SP100: variants seen among roughly 807,000 people sequenced by gnomAD.
SP100 encodes SP100 nuclear body protein.
SP100 carries 84 observed loss-of-function variants against 130.0 expected under a neutral mutation model. The ratio of observed to expected loss-of-function variants is 0.65; its 90% CI spans 0.54 to 0.77. The LOEUF (loss-of-function observed/expected upper bound fraction) is 0.77. Ranked by LOEUF, SP100 falls within the 30% of genes least tolerant of loss-of-function variation. The pLI is 0.00. For synonymous variants in SP100, 331 were observed against 351.7 expected (o/e 0.94, Z 0.66); for missense variants, 978 against 1,052.2 (o/e 0.93, Z 0.97).
chr2:230,525,811 G>A (rs1477864087), intron 24 of SP100, among the ~76,000 whole-genome samples: 1 of 152,220 alleles, frequency 6.6e-6, no homozygotes, highest in Non-Finnish European at 1.5e-5. Flanking sequence ...ATCAATCTGA[G>A]ATCAACCTGT....
chr2:230,449,826 C>A, intron 7 of SP100, 116 bp downstream of exon 7: 4 of 1,057,688 alleles, frequency 3.8e-6, no homozygotes, highest in Non-Finnish European at 5.7e-6. Flanking sequence ...AGGGGAAAAT[C>A]ACATAGACAC....
chr2:230,508,050 T>G lies in SP100; in HGVS notation c.2052+19T>G. On this transcript the variant is annotated intron_variant, in intron 23 of 28. Coordinates refer to ENST00000340126, the MANE Select transcript of SP100 (RefSeq NM_001080391.2). ...AAAAAAGGTGATGATCAAGTGATCT[T>G]CTGCCAATGTCTCGTCTATTATGTT... is the stretch of plus-strand genomic sequence containing the variant. The G allele has an allele frequency of 6.2e-7, 1 of 1,613,194 alleles. No homozygotes were observed. The highest frequency in any genetic ancestry group is 8.5e-7 in the Non-Finnish European group (1 of 1,179,466).
intron 8 of SP100, among the ~76,000 whole-genome samples, chr2:230,452,139 A>C (rs2064016266): frequency 6.6e-6 from 1 of 151,184 alleles, no homozygotes; most frequent in African/African-American, 2.4e-5. Context: ...CTCCACACAA[A>C]TTTTTAAATT....
chr2:230,473,992 A>G (rs2065407397), intron 16 of SP100, among the ~76,000 whole-genome samples: 1 of 152,238 alleles, frequency 6.6e-6, no homozygotes, highest in South Asian at 2.1e-4. Context: ...CTGTCAGGAA[A>G]GAAAAATCAG....
At chr2:230,516,322 T>C (rs1272619675) in intron 24 of SP100, 1 of 156,652 alleles carries the variant, frequency 6.4e-6, no homozygotes, top group Non-Finnish European at 1.4e-5. Context: ...TGTTTATGAA[T>C]AGTTTCCAAA....
At chr2:230,484,125 AC>A (rs2065957480) in intron 17 of SP100, among the ~76,000 whole-genome samples, 1 of 152,218 alleles carries the variant, frequency 6.6e-6, no homozygotes, top group African/African-American at 2.4e-5. Flanking sequence ...GAAATTACCA[AC>A]AAAAAGCACA....
chr2:230,477,047 A>G (rs1180787764), intron 17 of SP100, among the ~76,000 whole-genome samples: 1 of 151,878 alleles, frequency 6.6e-6, no homozygotes, highest in Non-Finnish European at 1.5e-5. Context: ...TTGTACTTTT[A>G]GTAGAGTCGG....
chr2:230,419,798 C>T (rs1275222674), intron 2 of SP100, among the ~76,000 whole-genome samples: 1 of 152,206 alleles, frequency 6.6e-6, no homozygotes, highest in African/African-American at 2.4e-5. Context: ...CAAGCATCCA[C>T]TGGGGTTCTT....
At chr2:230,416,736 CT>C in intron 1 of SP100, 1 of 990,742 alleles carries the variant, frequency 1.0e-6, no homozygotes, top group Non-Finnish European at 1.2e-6. Flanking sequence ...GGGTAAACAC[CT>C]GGCTTACTTT....
intron 2 of SP100, among the ~76,000 whole-genome samples, chr2:230,431,074 A>G (rs894688920): frequency 4.6e-5 from 7 of 152,228 alleles, no homozygotes; most frequent in Non-Finnish European, 1.0e-4. Flanking sequence ...CTGGCCAAAT[A>G]GGGCCACCAG....
At chr2:230,468,613 G>A (rs1342660756) in intron 13 of SP100, among the ~76,000 whole-genome samples, 1 of 152,010 alleles carries the variant, frequency 6.6e-6, no homozygotes, top group Non-Finnish European at 1.5e-5. Context: ...AGGAGTTCAA[G>A]ACCAGCCTAG....
intron 17 of SP100, among the ~76,000 whole-genome samples, chr2:230,482,227 T>C (rs1181299124): frequency 6.6e-6 from 1 of 152,232 alleles, no homozygotes; most frequent in Admixed American, 6.5e-5. Flanking sequence ...ACCAAGATAT[T>C]TTAATACTTT....
intron 6 of SP100, 180 bp from the exon 7 acceptor site, chr2:230,449,381 G>T (rs1351218452): frequency 2.5e-6 from 2 of 807,910 alleles, no homozygotes; most frequent in South Asian, 2.9e-5. Flanking sequence ...TGCTGCCGCT[G>T]AGCCTGGTCG....
intron 8 of SP100, among the ~76,000 whole-genome samples, chr2:230,460,592 CTTTTTTTTTTTTTTT>C (rs1193506734): frequency 1.7e-4 from 3 of 17,196 alleles, no homozygotes; most frequent in South Asian, 1.6e-3. Flanking sequence ...TAATCTGTTT[CTTTTTTTTTTTTTTT>C]TTTTTTTTTT....
chr2:230,459,886 TG>T (rs2064492828), intron 8 of SP100, among the ~76,000 whole-genome samples: 1 of 152,182 alleles, frequency 6.6e-6, no homozygotes, highest in Admixed American at 6.5e-5. Flanking sequence ...AGTGCCTTCG[TG>T]TGGCCCTTAG....
intron 21 of SP100, among the ~76,000 whole-genome samples, chr2:230,504,532 C>T (rs575176604): frequency 7.2e-5 from 11 of 152,166 alleles, no homozygotes; most frequent in Non-Finnish European, 1.0e-4. Flanking sequence ...CAACCAAAAG[C>T]AAGCTTCCAG....
At chr2:230,428,232 A>T (rs752135894) in intron 2 of SP100, among the ~76,000 whole-genome samples, 26 of 152,186 alleles carry the variant, frequency 1.7e-4, no homozygotes, top group Non-Finnish European at 2.5e-4. Flanking sequence ...TGTCTCAAAA[A>T]AAATAAATAA....
At chr2:230,533,486 C>A (rs1008746629) in intron 24 of SP100, among the ~76,000 whole-genome samples, 3 of 152,196 alleles carry the variant, frequency 2.0e-5, no homozygotes, top group Admixed American at 6.5e-5. Context: ...TCCTCTTAAC[C>A]AATCCTTGTG....
At position 230,459,249 on chromosome 2, in the gene SP100, G is replaced by A. The variant is rs573819541; in HGVS notation, c.821-2013G>A. The stretch of plus-strand genomic sequence containing the variant: ...AATGAATGAAAAATTGGTAGAGAGT[G>A]GATCATGCAAAGAAGGGAAGAGAGA... On this transcript the variant is annotated intron_variant, in intron 8 of 28. Coordinates refer to ENST00000340126, the MANE Select transcript of SP100 (RefSeq NM_001080391.2). Among the ~76,000 whole-genome samples the A allele has an allele frequency of 5.9e-5, 9 of 152,206 alleles. 1 individual carries two copies. In the South Asian group the frequency reaches 1.5e-3, roughly 25 times the overall value.
Sources: allele counts gnomAD v4.1 joint callset (sites outside exome capture counted in the v4.1 genomes callset), GRCh38; gene constraint gnomAD v4.1.1; transcripts MANE v1.5; gene names NCBI Gene and HGNC (gene_info 2026-07-23, HGNC 2026-07-21).